SH2D4A: variants seen among roughly 807,000 people sequenced by gnomAD.
SH2D4A encodes SH2 domain containing 4A.
A neutral mutation model predicts 64.7 loss-of-function variants in SH2D4A; 70 were observed. That is an observed-to-expected ratio of 1.08 (90% CI 0.89 to 1.32). The LOEUF (loss-of-function observed/expected upper bound fraction) is 1.32. Ranked by LOEUF, SH2D4A falls within the 40% of genes most tolerant of loss-of-function variation. The probability of loss-of-function intolerance (pLI) is 0.00; values close to 1 mark genes in which losing one functional copy is unlikely to be tolerated. For synonymous variants in SH2D4A, 268 were observed against 200.7 expected (o/e 1.34, Z -2.83); for missense variants, 706 against 540.1 (o/e 1.31, Z -3.04).
intron 4 of SH2D4A, among the ~76,000 whole-genome samples, chr8:19,341,259 G>C (rs2052524445): frequency 6.6e-6 from 1 of 152,146 alleles, no homozygotes; most frequent in Non-Finnish European, 1.5e-5. Flanking sequence ...GCACAGTAAG[G>C]ATTAAAGATT....
intron 2 of SH2D4A, among the ~76,000 whole-genome samples, chr8:19,321,021 A>T (rs2052181078): frequency 6.6e-6 from 1 of 152,178 alleles, no homozygotes; most frequent in South Asian, 2.1e-4. Flanking sequence ...TTATCATGAC[A>T]AGGAAATAAA....
intron 2 of SH2D4A, among the ~76,000 whole-genome samples, chr8:19,331,077 G>T (rs984439124): frequency 6.6e-6 from 1 of 152,172 alleles, no homozygotes; most frequent in African/African-American, 2.4e-5. Flanking sequence ...GTCTGAGTCT[G>T]TTCCCTCTGC....
In SH2D4A at chr8:19,389,340, C is replaced by T. The variant is rs187647698; in HGVS notation, c.1049-3978C>T. On this transcript the variant is annotated intron_variant, in intron 8 of 9. Coordinates refer to ENST00000265807, the MANE Select transcript of SH2D4A (RefSeq NM_022071.4). ...ATGTTTATTCTAGAGAGGTTTAGAG[C>T]TACGCTGTCCAGTTAGGGTAGCCCC... 9.2e-5 allele frequency among the ~76,000 whole-genome samples: 14 copies of T among 152,328 alleles called. No individual in the cohort carries two copies. In the East Asian group the frequency reaches 1.4e-3, roughly 15 times the overall value.
intron 4 of SH2D4A, among the ~76,000 whole-genome samples, chr8:19,351,132 A>G (rs2052697673): frequency 6.6e-6 from 1 of 152,216 alleles, no homozygotes; most frequent in African/African-American, 2.4e-5. Flanking sequence ...GCAAAAAGGT[A>G]AATCCCAGTA....
At chr8:19,378,408 C>A (rs1024824046) in intron 8 of SH2D4A, among the ~76,000 whole-genome samples, 28 of 152,212 alleles carry the variant, frequency 1.8e-4, no homozygotes, top group African/African-American at 6.5e-4. Flanking sequence ...GCACTATATA[C>A]AAATTACCAC....
intron 4 of SH2D4A, among the ~76,000 whole-genome samples, chr8:19,353,995 T>C (rs1210386124): frequency 6.2e-5 from 5 of 80,116 alleles, no homozygotes; most frequent in African/African-American, 4.7e-4. Context: ...TCAACTAATT[T>C]TTTTTTTTTT....
intron 6 of SH2D4A, 146 bp downstream of exon 6, chr8:19,361,460 T>A (rs1471771234): frequency 1.3e-6 from 1 of 787,674 alleles, no homozygotes; most frequent in East Asian, 3.3e-5. Flanking sequence ...ATTACTAACT[T>A]ATTACTCAAA....
intron 1 of SH2D4A, among the ~76,000 whole-genome samples, chr8:19,317,304 T>TG (rs2052105386): frequency 4.9e-5 from 1 of 20,240 alleles, no homozygotes; most frequent in Non-Finnish European, 1.1e-4. Flanking sequence ...AAGACATCCA[T>TG]TTTTTTTTTT....
rs2053567342 is a variant in SH2D4A at position 19,395,152 on chromosome 8, G to GAGAC, written c.*512_*515dup. 1 of 152,188 alleles carries GAGAC rather than the reference G, an allele frequency of 6.6e-6. No individual in the cohort carries two copies. Among genetic ancestry groups the GAGAC allele is most frequent in the African/African-American group, 2.4e-5 (1 of 41,440 alleles). 9.4% of individuals were successfully genotyped at this position (152,188 alleles called of 1,614,324 possible). ...TGTACATGTTGGAACCAGGACATGA[G>GAGAC]AGACATAGAAAAACAGAAGTCATGA... On this transcript the variant is annotated 3_prime_UTR_variant, in exon 10 of 10. Coordinates refer to ENST00000265807, the MANE Select transcript of SH2D4A (RefSeq NM_022071.4).
intron 1 of SH2D4A, among the ~76,000 whole-genome samples, chr8:19,317,404 T>C (rs2052107910): frequency 6.6e-6 from 1 of 151,464 alleles, no homozygotes. Flanking sequence ...GTGATATTAC[T>C]TTTAGTCCTT....
chr8:19,357,963 A>T (rs894769737), intron 5 of SH2D4A, among the ~76,000 whole-genome samples: 1 of 152,032 alleles, frequency 6.6e-6, no homozygotes, highest in Non-Finnish European at 1.5e-5. Context: ...CAGGCCAGGG[A>T]CCTGTGTTCC....
Position 19,356,427 on chromosome 8 carries a change from T to C in SH2D4A, c.514-776T>C, listed in dbSNP as rs17478357. On this transcript the variant is annotated intron_variant, in intron 4 of 9. Coordinates refer to ENST00000265807, the MANE Select transcript of SH2D4A (RefSeq NM_022071.4). The stretch of plus-strand genomic sequence containing the variant: ...GGCATATACTTTGCGGTAATGTGGG[T>C]TGTGGGTAGGTATATCTGGGTACTC... 5.2e-3 allele frequency among the ~76,000 whole-genome samples: 799 copies of C among 152,260 alleles called. 4 individuals carry two copies. The highest frequency in any genetic ancestry group is 7.9e-3 in the Non-Finnish European group (535 of 68,016).
chr8:19,314,549 G>A lies in SH2D4A; in HGVS notation c.-205+726G>A, dbSNP rs1222578967. Among the ~76,000 whole-genome samples the A allele has an allele frequency of 2.6e-5, 4 of 152,144 alleles. No homozygotes were observed. In the South Asian group the frequency reaches 8.3e-4, roughly 32 times the overall value. ...CTCGGGGGTCACGCGGGCACCGGAA[G>A]GAGCTACAGTTTGTAGGTTTTCTGA... On this transcript the variant is annotated intron_variant, in intron 1 of 9. Transcript: ENST00000265807.
chr8:19,364,009 C>A, intron 6 of SH2D4A, 63 bp from the exon 7 acceptor site: 1 of 1,527,908 alleles, frequency 6.5e-7, no homozygotes, highest in Non-Finnish European at 9.0e-7. Flanking sequence ...GCAATGAATG[C>A]TGAGCCTTCT....
At chr8:19,381,203 C>T (rs2053287700) in intron 8 of SH2D4A, among the ~76,000 whole-genome samples, 1 of 152,086 alleles carries the variant, frequency 6.6e-6, no homozygotes, top group African/African-American at 2.4e-5. Flanking sequence ...GCAACCACCA[C>T]CATGCCTGGC....
intron 2 of SH2D4A, 118 bp downstream of exon 2, chr8:19,319,846 C>T (rs2052157608): frequency 1.9e-6 from 2 of 1,029,016 alleles, no homozygotes; most frequent in Admixed American, 3.3e-5. Flanking sequence ...GCAGATGAAT[C>T]CTAAATGTTA....
intron 9 of SH2D4A, 101 bp from the exon 10 acceptor site, chr8:19,394,449 G>T (rs747442516): frequency 2.7e-6 from 2 of 735,650 alleles, no homozygotes; most frequent in Non-Finnish European, 4.3e-6. Flanking sequence ...CAAAAGCTTT[G>T]TGTAAATCAT....
At chr8:19,364,429 C>T (rs899337754) in intron 7 of SH2D4A, 147 bp downstream of exon 7, 2 of 845,388 alleles carry the variant, frequency 2.4e-6, no homozygotes, top group Non-Finnish European at 3.6e-6. Flanking sequence ...CATGTCTAAG[C>T]CTTCTTCCTG....
intron 8 of SH2D4A, among the ~76,000 whole-genome samples, chr8:19,374,643 G>A (rs534625408): frequency 3.4e-4 from 52 of 152,288 alleles, no homozygotes; most frequent in Middle Eastern, 3.4e-3. Context: ...TGGTCAGAAC[G>A]TCACAGAAGA....
Sources: allele counts gnomAD v4.1 joint callset (sites outside exome capture counted in the v4.1 genomes callset), GRCh38; gene constraint gnomAD v4.1.1; transcripts MANE v1.5; gene names NCBI Gene and HGNC (gene_info 2026-07-23, HGNC 2026-07-21).